GPC6: variants seen among roughly 807,000 people sequenced by gnomAD.
The protein encoded by GPC6 is glypican-6.
In GPC6, 14 loss-of-function variants were observed where a neutral mutation model predicts 55.2. The observed-to-expected ratio is 0.25, with a 90% CI of 0.17 to 0.40. The LOEUF (loss-of-function observed/expected upper bound fraction) is 0.40. Among genes scored for constraint, GPC6 ranks in the 10% least tolerant of loss-of-function variants. The pLI is 1.00. For synonymous variants in GPC6, 278 were observed against 259.6 expected (o/e 1.07, Z -0.68); for missense variants, 641 against 708.5 (o/e 0.90, Z 1.08).
chr13:93,401,589 A>C (rs1400096829), intron 1 of GPC6, among the ~76,000 whole-genome samples: 4 of 151,808 alleles, frequency 2.6e-5, no homozygotes, highest in African/African-American at 9.7e-5. Context: ...TGTGATTAGA[A>C]ACCAGGGAGG....
intron 1 of GPC6, among the ~76,000 whole-genome samples, chr13:93,365,937 T>C (rs552726388): frequency 6.6e-6 from 1 of 152,234 alleles, no homozygotes; most frequent in East Asian, 1.9e-4. Flanking sequence ...GCAGAAAATA[T>C]TGTTCATGTT....
At chr13:93,621,769 A>G (rs1005093685) in intron 2 of GPC6, among the ~76,000 whole-genome samples, 6 of 152,130 alleles carry the variant, frequency 3.9e-5, no homozygotes, top group African/African-American at 1.4e-4. Context: ...TTTATAGGGA[A>G]TATGTGGTAT....
chr13:94,206,361 T>C (rs1029564039), intron 4 of GPC6, among the ~76,000 whole-genome samples: 3 of 152,204 alleles, frequency 2.0e-5, no homozygotes, highest in African/African-American at 4.8e-5. Context: ...ACATTCACAC[T>C]ACATGCTGCA....
intron 4 of GPC6, among the ~76,000 whole-genome samples, chr13:94,105,272 T>C (rs1279220854): frequency 2.0e-5 from 3 of 152,142 alleles, no homozygotes; most frequent in Non-Finnish European, 2.9e-5. Flanking sequence ...GATGGGAGGA[T>C]TGCCTGAGCC....
chr13:93,875,131 C>G (rs1333739067), intron 3 of GPC6, among the ~76,000 whole-genome samples: 1 of 151,964 alleles, frequency 6.6e-6, no homozygotes, highest in African/African-American at 2.4e-5. Flanking sequence ...CAGAATAAAG[C>G]AGAGTTTTCA....
chr13:93,279,072 T>C (rs557954294), intron 1 of GPC6, among the ~76,000 whole-genome samples: 1 of 152,346 alleles, frequency 6.6e-6, no homozygotes, highest in African/African-American at 2.4e-5. Flanking sequence ...TTGAAAACCT[T>C]TTCTTTCTAA....
At chr13:94,019,028 C>A (rs951095675) in intron 3 of GPC6, among the ~76,000 whole-genome samples, 1 of 152,154 alleles carries the variant, frequency 6.6e-6, no homozygotes, top group African/African-American at 2.4e-5. Flanking sequence ...GTTTTCTTTC[C>A]TTATTATGTC....
chr13:93,793,123 A>T (rs1474770090), intron 2 of GPC6, among the ~76,000 whole-genome samples: 1 of 152,212 alleles, frequency 6.6e-6, no homozygotes, highest in Non-Finnish European at 1.5e-5. Flanking sequence ...CGTTCTGAAC[A>T]TCTTGAGATA....
intron 4 of GPC6, among the ~76,000 whole-genome samples, chr13:94,212,704 T>G (rs1352382616): frequency 1.3e-5 from 2 of 152,222 alleles, no homozygotes; most frequent in African/African-American, 4.8e-5. Flanking sequence ...GCCCTTCAAG[T>G]AATCATAATA....
chr13:94,122,228 A>G (rs1251595902), intron 4 of GPC6, among the ~76,000 whole-genome samples: 2 of 152,010 alleles, frequency 1.3e-5, no homozygotes, highest in African/African-American at 2.4e-5. Flanking sequence ...TTTGGAAACT[A>G]CTGTGTGCCA....
chr13:93,763,597 A>G (rs1252932723), intron 2 of GPC6, among the ~76,000 whole-genome samples: 1 of 152,228 alleles, frequency 6.6e-6, no homozygotes, highest in African/African-American at 2.4e-5. Flanking sequence ...ATAGTCCTCA[A>G]AGACATCCTG....
chr13:93,236,367 C>G (rs1220505149), intron 1 of GPC6, among the ~76,000 whole-genome samples: 2 of 152,048 alleles, frequency 1.3e-5, no homozygotes, highest in East Asian at 3.9e-4. Context: ...GCAAATTTTT[C>G]ATCCCTCACC....
intron 2 of GPC6, among the ~76,000 whole-genome samples, chr13:93,566,484 G>A (rs192629497): frequency 1.3e-5 from 2 of 151,572 alleles, no homozygotes; most frequent in Non-Finnish European, 1.5e-5. Context: ...GCATGTGTAA[G>A]GTGAATGCAA....
chr13:93,464,293 G>T (rs1467554353), intron 1 of GPC6, among the ~76,000 whole-genome samples: 1 of 152,100 alleles, frequency 6.6e-6, no homozygotes, highest in African/African-American at 2.4e-5. Flanking sequence ...GCATTGATTG[G>T]CTCTTTCTTT....
intron 4 of GPC6, among the ~76,000 whole-genome samples, chr13:94,166,356 G>A (rs930263851): frequency 1.3e-5 from 2 of 152,108 alleles, no homozygotes; most frequent in African/African-American, 4.8e-5. Context: ...GCATCCTGTT[G>A]CTATGCCCTA....
At chr13:93,425,021 C>T (rs562632323) in intron 1 of GPC6, among the ~76,000 whole-genome samples, 35 of 152,076 alleles carry the variant, frequency 2.3e-4, no homozygotes, top group Non-Finnish European at 4.6e-4. Flanking sequence ...ATATACCTGT[C>T]ACTTTCAGGG....
chr13:94,213,683 G>A (rs1397991873), intron 4 of GPC6, among the ~76,000 whole-genome samples: 1 of 152,164 alleles, frequency 6.6e-6, no homozygotes, highest in East Asian at 1.9e-4. Context: ...ACATGATGGT[G>A]GCAAGGTTAG....
chr13:94,103,923 G>A (rs1200006053), intron 4 of GPC6, among the ~76,000 whole-genome samples: 7 of 151,988 alleles, frequency 4.6e-5, no homozygotes, highest in African/African-American at 1.2e-4. Context: ...TTTTGTTGCC[G>A]TTGCTTTTGG....
At chr13:93,569,206 T>C (rs764068669) in intron 2 of GPC6, among the ~76,000 whole-genome samples, 11 of 152,132 alleles carry the variant, frequency 7.2e-5, no homozygotes, top group Non-Finnish European at 1.5e-4. Context: ...ATAAATAAGA[T>C]TATAATTAAC....
Sources: allele counts gnomAD v4.1 joint callset (sites outside exome capture counted in the v4.1 genomes callset), GRCh38; gene constraint gnomAD v4.1.1; transcripts MANE v1.5; gene names NCBI Gene and HGNC (gene_info 2026-07-23, HGNC 2026-07-21).